Variants in HMBOX1 observed in about 807,000 individuals in gnomAD.
HMBOX1 encodes the protein homeobox containing 1.
Under a neutral mutation model 54.5 loss-of-function variants are expected in HMBOX1, and 14 were observed. That is an observed-to-expected ratio of 0.26 (90% confidence interval 0.17 to 0.40). HMBOX1 has a LOEUF of 0.40. Ranked by LOEUF, HMBOX1 falls within the 10% of genes least tolerant of loss-of-function variation. The probability of loss-of-function intolerance (pLI) is 1.00; values close to 1 mark genes in which losing one functional copy is unlikely to be tolerated. For missense variants in HMBOX1, 332 were observed against 514.4 expected (o/e 0.65, Z 3.43); for synonymous variants, 160 against 181.0 (o/e 0.88, Z 0.93).
At chr8:28,955,809 C>G (rs751581417) in intron 1 of HMBOX1, 4 of 151,856 alleles carry the variant, frequency 2.6e-5, no homozygotes, top group Non-Finnish European at 5.9e-5. Context: ...AAAAATGAGC[C>G]GGGCATGGTG....
intron 3 of HMBOX1, among the ~76,000 whole-genome samples, chr8:28,978,370 C>T (rs1182245675): frequency 2.0e-5 from 3 of 152,156 alleles, no homozygotes; most frequent in African/African-American, 7.2e-5. Context: ...TTTCACAAAA[C>T]AATTGTTAAG....
At chr8:28,948,662 G>A (rs955122556) in intron 1 of HMBOX1, among the ~76,000 whole-genome samples, 1 of 152,130 alleles carries the variant, frequency 6.6e-6, no homozygotes, top group Admixed American at 6.5e-5. Flanking sequence ...GCAAATTAGT[G>A]TAAGCACTAA....
chr8:28,938,638 G>A (rs927322201), intron 1 of HMBOX1, among the ~76,000 whole-genome samples: 2 of 151,176 alleles, frequency 1.3e-5, no homozygotes, highest in Admixed American at 1.3e-4. Context: ...GGTAGAGACA[G>A]GGTCTCGCTA....
At chr8:28,895,283 AT>A (rs1201528359) in intron 1 of HMBOX1, among the ~76,000 whole-genome samples, 1 of 152,248 alleles carries the variant, frequency 6.6e-6, no homozygotes, top group Non-Finnish European at 1.5e-5. Flanking sequence ...AGTAACTTTA[AT>A]TTGTATCTAG....
In HMBOX1 at chr8:29,008,907, C is replaced by G. The variant is rs566628960; in HGVS notation, c.587-165C>G. Among the ~76,000 whole-genome samples the G allele has an allele frequency of 2.2e-4, 34 of 152,310 alleles. No individual in the cohort carries two copies. The South Asian group carries it at 6.2e-3, about 28-fold the overall frequency. The stretch of plus-strand genomic sequence containing the variant: ...ATTTCTGAGTATATCCTAGCCAGTG[C>G]AGTCAGTCTTTACAAAGGAATCCAA... On this transcript the variant is annotated intron_variant, in intron 4 of 9. Transcript: ENST00000287701.
At chr8:29,016,273 C>G (rs191488703) in intron 5 of HMBOX1, among the ~76,000 whole-genome samples, 1 of 152,154 alleles carries the variant, frequency 6.6e-6, no homozygotes, top group East Asian at 1.9e-4. Context: ...AGAAGAATAA[C>G]CCCCTAAAAA....
chr8:28,926,304 TAC>T (rs10699056), intron 1 of HMBOX1, among the ~76,000 whole-genome samples: 14 of 142,212 alleles, frequency 9.8e-5, no homozygotes, highest in Non-Finnish European at 1.4e-4. Context: ...TATATATATA[TAC>T]ACACACACAC....
chr8:29,030,515 G>A (rs188943130), intron 6 of HMBOX1, among the ~76,000 whole-genome samples: 5 of 152,202 alleles, frequency 3.3e-5, no homozygotes, highest in East Asian at 1.9e-4. Flanking sequence ...CACAACGCCC[G>A]GCCGGTCAAT....
At chr8:28,941,042 A>G (rs540982320) in intron 1 of HMBOX1, among the ~76,000 whole-genome samples, 13 of 152,188 alleles carry the variant, frequency 8.5e-5, no homozygotes, top group Non-Finnish European at 1.2e-4. Flanking sequence ...CTTACTATTC[A>G]TTGTTTAGAG....
intron 1 of HMBOX1, among the ~76,000 whole-genome samples, chr8:28,928,258 T>C (rs1256064399): frequency 6.6e-6 from 1 of 152,168 alleles, no homozygotes; most frequent in Middle Eastern, 3.2e-3. Context: ...AAAATACCTC[T>C]TGAGCTAATA....
chr8:28,931,375 G>T (rs978998509), intron 1 of HMBOX1, among the ~76,000 whole-genome samples: 1 of 152,128 alleles, frequency 6.6e-6, no homozygotes, highest in African/African-American at 2.4e-5. Context: ...GAAGTGCGGG[G>T]GTTGTACTAG....
rs11356150 is a variant in HMBOX1, at chr8:29,051,898, TAA to T, written c.*762_*763del. 525 of 131,850 alleles carry T rather than the reference TAA, an allele frequency of 4.0e-3. No individual in the cohort carries two copies. The highest frequency in any genetic ancestry group is 0.014 in the Middle Eastern group (4 of 288). The allele number at this position is 131,850 out of a possible 1,614,324, so 8.2% of individuals were successfully genotyped here. A position where few individuals can be genotyped will look rare whatever the true frequency, so the allele number is the denominator to read the frequency against. On this transcript the variant is annotated 3_prime_UTR_variant, in exon 10 of 10. Coordinates refer to ENST00000287701, the MANE Select transcript of HMBOX1 (RefSeq NM_001135726.3). ...AACAAAGACAAAAACCAAAAGTCAT[TAA>T]AAAAAAAAAAAAAAAAAACCCAGCT...
At chr8:28,915,778 A>G (rs1816430863) in intron 1 of HMBOX1, 1 of 151,912 alleles carries the variant, frequency 6.6e-6, no homozygotes, top group African/African-American at 2.4e-5. Flanking sequence ...TTAGCACACT[A>G]TAGCACAGAA....
chr8:28,954,429 C>T (rs1824039164), intron 1 of HMBOX1, among the ~76,000 whole-genome samples: 1 of 152,136 alleles, frequency 6.6e-6, no homozygotes, highest in African/African-American at 2.4e-5. Flanking sequence ...CTGCCTGTGC[C>T]ACCCTTTCTT....
chr8:29,042,359 G>GTACA (rs1235651924), intron 6 of HMBOX1, among the ~76,000 whole-genome samples: 14 of 152,154 alleles, frequency 9.2e-5, no homozygotes, highest in African/African-American at 3.1e-4. Flanking sequence ...TCAGAACAGT[G>GTACA]TACAAGTTGA....
intron 4 of HMBOX1, among the ~76,000 whole-genome samples, chr8:29,007,545 A>G (rs940627920): frequency 7.9e-5 from 12 of 152,266 alleles, no homozygotes; most frequent in Admixed American, 3.9e-4. Context: ...CAGGCTGGGC[A>G]TGGTGGCTTG....
In HMBOX1 at chr8:28,960,776, T is replaced by G. The variant is rs1293273861; in HGVS notation, c.-57-3035T>G. The stretch of plus-strand genomic sequence containing the variant: ...TTCTTTTTCTTTTTCTTTTTTTTTT[T>G]TTTTTTTTTTTTTTTTTTTTTTTTT... On this transcript the variant is annotated intron_variant, in intron 1 of 9. Coordinates refer to ENST00000287701, the MANE Select transcript of HMBOX1 (RefSeq NM_001135726.3). Among the ~76,000 whole-genome samples the G allele has an allele frequency of 5.7e-4, 29 of 51,268 alleles. 2 individuals carry two copies. Among genetic ancestry groups the G allele is most frequent in the African/African-American group, 1.3e-3 (16 of 12,230 alleles). The allele number at this position is 51,268 out of a possible 152,430, so 33.6% of individuals were successfully genotyped here.
Position 28,970,709 on chromosome 8 carries a change from A to C in HMBOX1, c.500+190A>C. On this transcript the variant is annotated intron_variant, in intron 3 of 9. Coordinates refer to ENST00000287701, the MANE Select transcript of HMBOX1 (RefSeq NM_001135726.3). This position sits in a 1 kb window ranked among gnomAD's most constrained non-coding sequence, Gnocchi z 4.3. ...TTCAAGCTTTATGTTTTTAATTTAA[A>C]TTTTCTCTTCTTTACTTCAGCCCTT... 4.1e-6 allele frequency: 2 copies of C among 488,896 alleles called. No homozygotes were observed. The highest frequency in any genetic ancestry group is 7.1e-6 in the Non-Finnish European group (2 of 279,780). 30.3% of individuals were successfully genotyped at this position (488,896 alleles called of 1,614,324 possible).
intron 6 of HMBOX1, chr8:29,042,863 C>G: frequency 2.9e-6 from 1 of 346,080 alleles, no homozygotes; most frequent in Non-Finnish European, 5.8e-6. Context: ...GTTTTTGTAA[C>G]TGATGGGTGG....
Sources: allele counts gnomAD v4.1 joint callset (sites outside exome capture counted in the v4.1 genomes callset), GRCh38; gene constraint gnomAD v4.1.1; non-coding constraint Gnocchi (gnomAD v3.1); transcripts MANE v1.5; gene names NCBI Gene and HGNC (gene_info 2026-07-23, HGNC 2026-07-21).